Variants in ARHGAP15 observed in about 807,000 individuals in gnomAD.
The protein encoded by ARHGAP15 is Rho GTPase activating protein 15.
A neutral mutation model predicts 63.7 loss-of-function variants in ARHGAP15; 51 were observed. That is an observed-to-expected ratio of 0.80 (90% CI 0.64 to 1.01). ARHGAP15 has a LOEUF of 1.01. Ranked by LOEUF, ARHGAP15 falls within the 50% of genes least tolerant of loss-of-function variation. The pLI is 0.00. For synonymous variants in ARHGAP15, 191 were observed against 193.8 expected (o/e 0.99, Z 0.12); for missense variants, 560 against 564.6 (o/e 0.99, Z 0.08).
At chr2:143,641,143 C>T (rs1680578732) in intron 12 of ARHGAP15, 1 of 152,162 alleles carries the variant, frequency 6.6e-6, no homozygotes, top group Admixed American at 6.6e-5. Flanking sequence ...GGGTCCATTA[C>T]TGTATTTATG....
rs1428650208 is a variant in ARHGAP15, at chr2:143,302,206, C to T, written c.474+51606C>T. 2.6e-5 allele frequency among the ~76,000 whole-genome samples: 4 copies of T among 151,894 alleles called. No homozygotes were observed. The South Asian group carries it at 8.3e-4, about 32-fold the overall frequency. On this transcript the variant is annotated intron_variant, in intron 6 of 13. Transcript: ENST00000295095. Reference sequence around the variant, plus strand: ...TCTATAGATTGCATTCTTGGTGTTCCATATCCATCAATTTCTTCCTCTTTC... The same window carrying T: ...TCTATAGATTGCATTCTTGGTGTTCTATATCCATCAATTTCTTCCTCTTTC...
At chr2:143,268,402 T>G (rs1314828213) in intron 6 of ARHGAP15, among the ~76,000 whole-genome samples, 2 of 152,056 alleles carry the variant, frequency 1.3e-5, no homozygotes, top group Non-Finnish European at 2.9e-5. Flanking sequence ...ACAATTAAAC[T>G]GATTGGAATT....
intron 5 of ARHGAP15, chr2:143,237,158 G>GAT (rs934667260): frequency 5.3e-5 from 8 of 151,916 alleles, no homozygotes; most frequent in Admixed American, 1.3e-4. Context: ...TTAGGGAACT[G>GAT]ATATATATAT....
intron 12 of ARHGAP15, among the ~76,000 whole-genome samples, chr2:143,629,954 CAAATAT>C (rs1411563163): frequency 1.3e-5 from 2 of 152,098 alleles, no homozygotes; most frequent in East Asian, 1.9e-4. Context: ...CATTCAAATA[CAAATAT>C]AAATACTTTG....
chr2:143,678,889 T>A, intron 12 of ARHGAP15, among the ~76,000 whole-genome samples: 1 of 152,228 alleles, frequency 6.6e-6, no homozygotes, highest in East Asian at 1.9e-4. Flanking sequence ...AGCTTTATCC[T>A]AAGCAATAAT....
chr2:143,376,333 A>C (rs1168658861), intron 6 of ARHGAP15, among the ~76,000 whole-genome samples: 1 of 152,152 alleles, frequency 6.6e-6, no homozygotes, highest in East Asian at 1.9e-4. Context: ...GGTTTTACTT[A>C]CCTTCAATTG....
At chr2:143,620,006 T>G (rs1698592418) in intron 11 of ARHGAP15, among the ~76,000 whole-genome samples, 1 of 152,214 alleles carries the variant, frequency 6.6e-6, no homozygotes, top group Non-Finnish European at 1.5e-5. Flanking sequence ...AGATAAATCC[T>G]CTAAAACAAC....
At chr2:143,756,799 T>C (rs1686593682) in intron 13 of ARHGAP15, among the ~76,000 whole-genome samples, 2 of 152,228 alleles carry the variant, frequency 1.3e-5, no homozygotes, top group South Asian at 4.1e-4. Flanking sequence ...ACACCCTTCT[T>C]ATCTGTGCAG....
chr2:143,320,410 C>CGCCCCCCCCCG (rs1285295545), intron 6 of ARHGAP15, among the ~76,000 whole-genome samples: 7 of 19,040 alleles, frequency 3.7e-4, no homozygotes, highest in African/African-American at 8.2e-4. Flanking sequence ...ACTTCCCCAC[C>CGCCCCCCCCCG]CCCCCCCCCC....
intron 12 of ARHGAP15, among the ~76,000 whole-genome samples, chr2:143,693,830 A>C (rs1276016922): frequency 1.3e-5 from 2 of 152,150 alleles, no homozygotes; most frequent in Non-Finnish European, 2.9e-5. Flanking sequence ...GCAAAATAAA[A>C]CTGGTTTACT....
At position 143,373,328 on chromosome 2, in the gene ARHGAP15, A is replaced by G. The variant is rs886836032; in HGVS notation, c.475-62273A>G. Among the ~76,000 whole-genome samples the G allele has an allele frequency of 3.3e-5, 5 of 152,216 alleles. No individual in the cohort carries two copies. The East Asian group carries it at 9.7e-4, about 29-fold the overall frequency. On this transcript the variant is annotated intron_variant, in intron 6 of 13. Transcript: ENST00000295095. Reference sequence around the variant, plus strand: ...CATGTGCTTAACCGTCACATTTGCTATCTCATAAAAATACAACAAAGGCCA... The same window carrying G: ...CATGTGCTTAACCGTCACATTTGCTGTCTCATAAAAATACAACAAAGGCCA...
intron 6 of ARHGAP15, among the ~76,000 whole-genome samples, chr2:143,293,039 A>T (rs1259695618): frequency 2.0e-5 from 3 of 152,074 alleles, no homozygotes; most frequent in African/African-American, 7.2e-5. Flanking sequence ...ATGTAAATTT[A>T]AATTATCTTA....
At chr2:143,396,676 C>T (rs1687776342) in intron 6 of ARHGAP15, among the ~76,000 whole-genome samples, 1 of 150,786 alleles carries the variant, frequency 6.6e-6, no homozygotes, top group Admixed American at 6.6e-5. Flanking sequence ...TCATGAACTT[C>T]ATGCTAAGGA....
At chr2:143,338,272 A>G (rs1400804325) in intron 6 of ARHGAP15, among the ~76,000 whole-genome samples, 2 of 152,206 alleles carry the variant, frequency 1.3e-5, no homozygotes, top group Non-Finnish European at 2.9e-5. Context: ...GAAAGTAAAT[A>G]GAAATAAACA....
intron 9 of ARHGAP15, 79 bp downstream of exon 9, chr2:143,487,574 G>A: frequency 4.3e-6 from 6 of 1,395,430 alleles, no homozygotes; most frequent in African/African-American, 1.5e-5. Context: ...AGCTCTAAAG[G>A]AATATTAGAA....
intron 5 of ARHGAP15, among the ~76,000 whole-genome samples, chr2:143,241,946 C>G (rs187824949): frequency 4.1e-4 from 63 of 152,302 alleles, no homozygotes; most frequent in Non-Finnish European, 9.0e-4. Flanking sequence ...TGCAAGTACG[C>G]TGGTGAAAGC....
intron 6 of ARHGAP15, among the ~76,000 whole-genome samples, chr2:143,278,829 G>C (rs1322247492): frequency 1.4e-5 from 2 of 147,572 alleles, no homozygotes; most frequent in African/African-American, 2.5e-5. Flanking sequence ...CAGATATTTT[G>C]TTCTTTGTAC....
intron 2 of ARHGAP15, among the ~76,000 whole-genome samples, chr2:143,201,737 C>T (rs1692127574): frequency 6.6e-6 from 1 of 152,030 alleles, no homozygotes; most frequent in Non-Finnish European, 1.5e-5. Context: ...ACATATTTTC[C>T]AAGAGTGAAG....
intron 6 of ARHGAP15, among the ~76,000 whole-genome samples, chr2:143,311,925 C>G (rs1347628449): frequency 6.6e-6 from 1 of 152,134 alleles, no homozygotes; most frequent in African/African-American, 2.4e-5. Flanking sequence ...GGCAATGCGC[C>G]TCAAGAACTG....
Sources: allele counts gnomAD v4.1 joint callset (sites outside exome capture counted in the v4.1 genomes callset), GRCh38; gene constraint gnomAD v4.1.1; transcripts MANE v1.5; gene names NCBI Gene and HGNC (gene_info 2026-07-23, HGNC 2026-07-21).